The following FBXO40 variants were observed in gnomAD, a reference collection of about 807,000 sequenced individuals.
FBXO40 encodes F-box only protein 40.
A neutral mutation model predicts 49.9 loss-of-function variants in FBXO40; 50 were observed. The observed-to-expected ratio is 1.00, with a 90% CI of 0.80 to 1.27. The LOEUF (loss-of-function observed/expected upper bound fraction) is 1.27, where lower values mean the gene tolerates loss of function less well. FBXO40 is among the 50% of genes most tolerant of loss of function. The pLI, the probability that FBXO40 is intolerant of heterozygous loss-of-function variation, is 0.00. For synonymous variants in FBXO40, 340 were observed against 320.2 expected (o/e 1.06, Z -0.66); for missense variants, 895 against 870.1 (o/e 1.03, Z -0.36).
At chr3:121,603,029 C>G (rs1190864403) in intron 1 of FBXO40, among the ~76,000 whole-genome samples, 1 of 152,234 alleles carries the variant, frequency 6.6e-6, no homozygotes, top group East Asian at 1.9e-4. Context: ...CCAGCAGATT[C>G]TGTGTCTCGT....
At chr3:121,625,777 T>C (rs532501721) in intron 3 of FBXO40, among the ~76,000 whole-genome samples, 2 of 152,306 alleles carry the variant, frequency 1.3e-5, no homozygotes, top group African/African-American at 2.4e-5. Flanking sequence ...ATACTCACAT[T>C]AGAATGGATT....
At chr3:121,620,523 T>TGAATCAAA in intron 1 of FBXO40, 23 bp from the exon 2 acceptor site, 6 of 1,610,474 alleles carry the variant, frequency 3.7e-6, no homozygotes, top group Non-Finnish European at 5.1e-6. Flanking sequence ...TTACTAATTA[T>TGAATCAAA]TTATATTCAT....
intron 2 of FBXO40, among the ~76,000 whole-genome samples, 167 bp from the exon 3 acceptor site, chr3:121,621,266 A>G (rs2049027987): frequency 6.6e-6 from 1 of 152,224 alleles, no homozygotes; most frequent in Non-Finnish European, 1.5e-5. Flanking sequence ...AAGTACTTAT[A>G]GTTGTTATTT....
rs377351705 is a variant in FBXO40, at chr3:121,626,902, G to T, written c.2122G>T (p.Val708Phe). The change falls in exon 4 of 4, where the codon GTC becomes TTC. Residue 708 changes from valine to phenylalanine, a missense_variant. By Grantham distance (50) the Val-to-Phe change is conservative. Transcript: ENST00000338040. ...TFRIRPRGRY[V>F]S ...TAGAATCAGACCACGAGGAAGATAC[G>T]TCTCCTAAAAATTCAGATGCCACTC... is the stretch of plus-strand genomic sequence containing the variant. 6.2e-7 allele frequency: 1 copy of T among 1,614,014 alleles called. No individual in the cohort carries two copies. The highest frequency in any genetic ancestry group is 1.1e-5 in the South Asian group (1 of 91,062).
chr3:121,599,805 C>T (rs1177136019), intron 1 of FBXO40, among the ~76,000 whole-genome samples: 1 of 146,042 alleles, frequency 6.8e-6, no homozygotes. Context: ...TCACTGCAAA[C>T]TCTGCCTCCC....
At chr3:121,617,774 C>T (rs930603451) in intron 1 of FBXO40, among the ~76,000 whole-genome samples, 12 of 152,056 alleles carry the variant, frequency 7.9e-5, no homozygotes, top group African/African-American at 2.4e-4. Flanking sequence ...CCGAGGCAGG[C>T]GGATCACTTG....
In FBXO40 at chr3:121,627,070, C is replaced by G. The variant is rs2049065846; in HGVS notation, c.*160C>G. 1.6e-6 allele frequency: 1 copy of G among 634,142 alleles called. No homozygotes were observed. Among genetic ancestry groups the G allele is most frequent in the African/African-American group, 1.8e-5 (1 of 54,618 alleles). The allele number at this position is 634,142 out of a possible 1,614,324, so 39.3% of individuals were successfully genotyped here. A position where few individuals can be genotyped will look rare whatever the true frequency, so the allele number is the denominator to read the frequency against. On this transcript the variant is annotated 3_prime_UTR_variant, in exon 4 of 4. Transcript: ENST00000338040. ...TGTCCTTCGAAACCTCAACACGAGG[C>G]CTAAGAATTTCCTAAGCCATGTCTT... is the stretch of plus-strand genomic sequence containing the variant.
rs766296556 is a variant in FBXO40, at chr3:121,626,697, C to G, written c.1917C>G (p.Ile639Met). The change falls in exon 4 of 4, where the codon ATC becomes ATG. Residue 639 changes from isoleucine (I) to methionine (M), a missense_variant and splice_region_variant. Transcript: ENST00000338040. Reference sequence around the variant, plus strand: ...TGAACTTCTATCTTTCTCAACAGATCTGGCAGTTCAGCAGCCTCTTCTCCA... The same window carrying G: ...TGAACTTCTATCTTTCTCAACAGATGTGGCAGTTCAGCAGCCTCTTCTCCA... Reference protein sequence around the residue: ...GGTSWRVHREIWQFSSLFSKI... With the variant: ...GGTSWRVHREMWQFSSLFSKI... The G allele has an allele frequency of 1.2e-6, 2 of 1,613,996 alleles. No homozygotes were observed. Among genetic ancestry groups the G allele is most frequent in the South Asian group, 2.2e-5 (2 of 91,064 alleles).
At chr3:121,619,739 A>C (rs1240517427) in intron 1 of FBXO40, among the ~76,000 whole-genome samples, 1 of 152,204 alleles carries the variant, frequency 6.6e-6, no homozygotes, top group Non-Finnish European at 1.5e-5. Context: ...TGATGAGCGA[A>C]GAAGTGAAGT....
intron 1 of FBXO40, among the ~76,000 whole-genome samples, chr3:121,595,755 C>A (rs1220547016): frequency 6.6e-6 from 1 of 152,180 alleles, no homozygotes; most frequent in Non-Finnish European, 1.5e-5. Context: ...TCTTTCCCTA[C>A]AATTAAATAT....
intron 1 of FBXO40, among the ~76,000 whole-genome samples, chr3:121,609,061 C>A (rs1249473578): frequency 3.9e-5 from 6 of 152,064 alleles, no homozygotes; most frequent in Non-Finnish European, 8.8e-5. Context: ...CCATAAATGG[C>A]AGAACCCAGC....
Position 121,623,005 on chromosome 3 carries a change from C to G in FBXO40, c.1576C>G (p.Arg526Gly). 1 of 1,614,222 alleles carries G rather than the reference C, an allele frequency of 6.2e-7. No homozygotes were observed. The highest frequency in any genetic ancestry group is 8.5e-7 in the Non-Finnish European group (1 of 1,180,042). Residue 526 changes from arginine (R) to glycine (G), a missense_variant, in exon 3 of 4, where the codon CGT becomes GGT. Transcript: ENST00000338040. ...ATGTACATTTGTTCAAAACCATTTC[C>G]GTCCCCCAGGGCAAAAGGCAAAAGT... ...LGCTFVQNHF[R>G]PPGQKAKVIY...
At chr3:121,626,022 C>T (rs1479332358) in intron 3 of FBXO40, among the ~76,000 whole-genome samples, 2 of 152,188 alleles carry the variant, frequency 1.3e-5, no homozygotes, top group African/African-American at 4.8e-5. Flanking sequence ...TAGTGAGACT[C>T]TTATGAGTTA....
chr3:121,613,647 GT>G (rs1367538893), intron 1 of FBXO40, among the ~76,000 whole-genome samples: 1 of 152,230 alleles, frequency 6.6e-6, no homozygotes, highest in South Asian at 2.1e-4. Flanking sequence ...CTTAAAGGGC[GT>G]TTCTAATCTT....
At chr3:121,618,386 GTT>G (rs34900150) in intron 1 of FBXO40, among the ~76,000 whole-genome samples, 2 of 120,264 alleles carry the variant, frequency 1.7e-5, no homozygotes, top group Non-Finnish European at 3.3e-5. Flanking sequence ...TTTCCTTCTT[GTT>G]TTTTTTTTTT....
intron 1 of FBXO40, among the ~76,000 whole-genome samples, chr3:121,597,659 CT>C (rs11388990): frequency 0.23 from 28,231 of 123,008 alleles, 2,783 homozygotes; most frequent in Admixed American, 0.36. Context: ...TATAGGCCCC[CT>C]TTTTTTTTTT....
chr3:121,612,277 G>T (rs1309563736), intron 1 of FBXO40, among the ~76,000 whole-genome samples: 1 of 152,192 alleles, frequency 6.6e-6, no homozygotes, highest in Non-Finnish European at 1.5e-5. Context: ...AACTTCGACG[G>T]CTGGTAAGAG....
At position 121,627,852 on chromosome 3, in the gene FBXO40, T is replaced by C. The variant is rs2049071002; in HGVS notation, c.*942T>C. 1 of 398,730 alleles carries C rather than the reference T, an allele frequency of 2.5e-6. No homozygotes were observed. Among genetic ancestry groups the C allele is most frequent in the East Asian group, 3.6e-5 (1 of 28,072 alleles). The allele number at this position is 398,730 out of a possible 1,614,324, so 24.7% of individuals were successfully genotyped here. On this transcript the variant is annotated 3_prime_UTR_variant, in exon 4 of 4. Transcript: ENST00000338040. Reference sequence around the variant, plus strand: ...AGGGCAGCCCAGGGAGATCACACCTTTGGCAAAGTCCAGACAAGGCCCACT... The same window carrying C: ...AGGGCAGCCCAGGGAGATCACACCTCTGGCAAAGTCCAGACAAGGCCCACT...
intron 1 of FBXO40, among the ~76,000 whole-genome samples, chr3:121,615,045 C>G (rs1243883026): frequency 6.6e-6 from 1 of 151,910 alleles, no homozygotes; most frequent in African/African-American, 2.4e-5. Context: ...TGATGAAACC[C>G]CCACAAAAAG....
Sources: allele counts gnomAD v4.1 joint callset (sites outside exome capture counted in the v4.1 genomes callset), GRCh38; gene constraint gnomAD v4.1.1; transcripts MANE v1.5; gene names NCBI Gene and HGNC (gene_info 2026-07-23, HGNC 2026-07-21).